GSK3B: variants seen among roughly 807,000 people sequenced by gnomAD.
GSK3B encodes the protein glycogen synthase kinase 3 beta.
GSK3B carries 15 observed loss-of-function variants against 56.4 expected under a neutral mutation model. The observed-to-expected ratio is 0.27, with a 90% CI of 0.18 to 0.41. GSK3B has a LOEUF of 0.41. Among genes scored for constraint, GSK3B ranks in the 10% least tolerant of loss-of-function variants. The probability of loss-of-function intolerance (pLI) is 1.00; values close to 1 mark genes in which losing one functional copy is unlikely to be tolerated. For missense variants in GSK3B, 300 were observed against 513.4 expected (o/e 0.58, Z 4.02); for synonymous variants, 181 against 188.9 (o/e 0.96, Z 0.34).
chr3:119,963,625 C>CAAAAAAAAAAAAAAAA (rs774359104), intron 2 of GSK3B, among the ~76,000 whole-genome samples: 1 of 79,168 alleles, frequency 1.3e-5, no homozygotes, highest in Non-Finnish European at 2.6e-5. Flanking sequence ...TTCTTCCCCA[C>CAAAAAAAAAAAAAAAA]AAAAAAAAAA....
chr3:119,991,985 T>G (rs1032918635), intron 2 of GSK3B, among the ~76,000 whole-genome samples: 4 of 152,052 alleles, frequency 2.6e-5, no homozygotes, highest in Non-Finnish European at 5.9e-5. Context: ...TTTGAACAAA[T>G]GGAAAAATAT....
At chr3:120,078,790 G>A (rs973656803) in intron 1 of GSK3B, among the ~76,000 whole-genome samples, 1 of 149,958 alleles carries the variant, frequency 6.7e-6, no homozygotes, top group Non-Finnish European at 1.5e-5. Flanking sequence ...TGACCTCAGG[G>A]ATCTGCCAGC....
At chr3:119,970,500 G>A (rs953360804) in intron 2 of GSK3B, among the ~76,000 whole-genome samples, 4 of 151,944 alleles carry the variant, frequency 2.6e-5, no homozygotes, top group East Asian at 1.9e-4. Flanking sequence ...AGCCGGGCGC[G>A]GTGGCTCACG....
chr3:119,940,235 G>A (rs1576215927), intron 3 of GSK3B, among the ~76,000 whole-genome samples: 1 of 151,650 alleles, frequency 6.6e-6, no homozygotes, highest in African/African-American at 2.4e-5. Context: ...TAGCGATAAG[G>A]AGAAAAATTA....
At chr3:120,093,302 T>C (rs1291693724) in intron 1 of GSK3B, 45 bp downstream of exon 1, 1 of 1,260,126 alleles carries the variant, frequency 7.9e-7, no homozygotes, top group South Asian at 1.2e-5. Flanking sequence ...TTTCTTATTT[T>C]AAGGGCGAGG....
At chr3:119,978,811 C>T (rs995082828) in intron 2 of GSK3B, among the ~76,000 whole-genome samples, 4 of 152,194 alleles carry the variant, frequency 2.6e-5, no homozygotes, top group Non-Finnish European at 1.5e-5. Context: ...TTGCAGTACC[C>T]AGGAAAAGTC....
At chr3:119,938,008 T>C (rs1028262302) in intron 3 of GSK3B, among the ~76,000 whole-genome samples, 14 of 150,474 alleles carry the variant, frequency 9.3e-5, no homozygotes, top group Non-Finnish European at 2.1e-4. Flanking sequence ...TGTTAACATA[T>C]TAGACAACCT....
At chr3:119,970,793 AC>A (rs2057359098) in intron 2 of GSK3B, among the ~76,000 whole-genome samples, 1 of 134,664 alleles carries the variant, frequency 7.4e-6, no homozygotes, top group Non-Finnish European at 1.5e-5. Context: ...TTTCAAAAAA[AC>A]AAACAAACAA....
intron 1 of GSK3B, among the ~76,000 whole-genome samples, chr3:120,085,005 T>A (rs995102800): frequency 1.3e-5 from 2 of 152,198 alleles, no homozygotes; most frequent in Non-Finnish European, 2.9e-5. Flanking sequence ...AGATTCAGAA[T>A]ACCTATGAAA....
intron 10 of GSK3B, among the ~76,000 whole-genome samples, chr3:119,835,011 A>G (rs953356441): frequency 6.6e-6 from 1 of 152,210 alleles, no homozygotes; most frequent in Non-Finnish European, 1.5e-5. Flanking sequence ...GTGTCAGTGA[A>G]TTTGTCAAAA....
chr3:120,070,803 G>A (rs116062432), intron 1 of GSK3B, among the ~76,000 whole-genome samples: 1,638 of 152,292 alleles, frequency 0.011, 24 homozygotes, highest in African/African-American at 0.038. Flanking sequence ...CTAATAGACA[G>A]CAGTTCATTA....
At chr3:119,942,281 C>T (rs2057056933) in intron 3 of GSK3B, among the ~76,000 whole-genome samples, 1 of 152,064 alleles carries the variant, frequency 6.6e-6, no homozygotes, top group Admixed American at 6.6e-5. Context: ...CTTGTGAAGA[C>T]ATAACACAGT....
intron 7 of GSK3B, among the ~76,000 whole-genome samples, chr3:119,901,950 C>T (rs2056628999): frequency 6.6e-6 from 1 of 152,004 alleles, no homozygotes; most frequent in African/African-American, 2.4e-5. Context: ...TTAGTTTCCC[C>T]CAGATACTCT....
chr3:119,993,126 C>T (rs1033482266), intron 2 of GSK3B, among the ~76,000 whole-genome samples: 7 of 147,850 alleles, frequency 4.7e-5, no homozygotes, highest in African/African-American at 1.8e-4. Flanking sequence ...CTCCAATATG[C>T]TACCTCCTGT....
rs370966100 is a variant in GSK3B at position 119,826,580 on chromosome 3, C to A, written c.*208G>T. On this transcript the variant is annotated 3_prime_UTR_variant, in exon 11 of 11. Transcript: ENST00000264235. ...AACCCCTCCCACCCCCTGGATCTCC[C>A]TCAAAGTGAGAATACAATGAAATTG... 3.1e-6 allele frequency: 2 copies of A among 653,426 alleles called. No homozygotes were observed. Among genetic ancestry groups the A allele is most frequent in the South Asian group, 3.2e-5 (2 of 63,026 alleles). The allele number at this position is 653,426 out of a possible 1,614,324, so 40.5% of individuals were successfully genotyped here.
chr3:119,899,750 T>C (rs1019108602), intron 7 of GSK3B, among the ~76,000 whole-genome samples: 8 of 152,154 alleles, frequency 5.3e-5, no homozygotes, highest in Non-Finnish European at 1.2e-4. Context: ...TAAAAAGATA[T>C]GATTTCTTAG....
At chr3:119,827,225 T>C (rs886685824) in intron 10 of GSK3B, among the ~76,000 whole-genome samples, 19 of 152,136 alleles carry the variant, frequency 1.2e-4, no homozygotes, top group Non-Finnish European at 2.2e-4. Flanking sequence ...TGCTAAAAAT[T>C]TGAACCATGT....
chr3:119,954,423 T>C (rs1576226503), intron 2 of GSK3B, among the ~76,000 whole-genome samples: 1 of 40,836 alleles, frequency 2.4e-5, no homozygotes, highest in East Asian at 1.1e-3. Flanking sequence ...ATGAAACTTG[T>C]TAATTATTTT....
rs566726784 is a variant in GSK3B at position 119,884,517 on chromosome 3, A to G, written c.814-8009T>C. ...CAGATACAATATTATCCTCTTTTAC[A>G]TGTGAAAAACCTAAGGCTGACAGAA... On this transcript the variant is annotated intron_variant, in intron 7 of 10. Coordinates refer to ENST00000264235, the MANE Select transcript of GSK3B (RefSeq NM_001146156.2). Among the ~76,000 whole-genome samples, 218 of 152,248 alleles carry G rather than the reference A, an allele frequency of 1.4e-3. 1 individual carries two copies. The highest frequency in any genetic ancestry group is 7.5e-3 in the South Asian group (36 of 4,826).
Sources: gnomAD v4.1 joint callset for allele counts (sites outside exome capture counted in the v4.1 genomes callset) on GRCh38, gnomAD v4.1.1 for gene constraint, MANE v1.5 for transcripts, NCBI Gene and HGNC (gene_info 2026-07-23, HGNC 2026-07-21) for gene names.